Variants in GRAMD2B observed in about 807,000 individuals in gnomAD.
The protein encoded by GRAMD2B is GRAM domain containing 2B.
In GRAMD2B, 41 loss-of-function variants were observed where a neutral mutation model predicts 59.2. The ratio of observed to expected loss-of-function variants is 0.69; its 90% CI spans 0.54 to 0.90. The LOEUF is 0.90. Among genes scored for constraint, GRAMD2B ranks in the 40% least tolerant of loss-of-function variants. GRAMD2B has a pLI of 0.00. For synonymous variants in GRAMD2B, 161 were observed against 182.7 expected (o/e 0.88, Z 0.96); for missense variants, 424 against 500.5 (o/e 0.85, Z 1.46).
intron 1 of GRAMD2B, among the ~76,000 whole-genome samples, chr5:126,431,502 T>A (rs1761568248): frequency 6.6e-6 from 1 of 152,242 alleles, no homozygotes; most frequent in Admixed American, 6.5e-5. Flanking sequence ...TCCTGCCAAT[T>A]CATTTTCTTA....
chr5:126,415,637 T>C (rs1759206981), intron 1 of GRAMD2B, among the ~76,000 whole-genome samples: 4 of 152,108 alleles, frequency 2.6e-5, no homozygotes, highest in African/African-American at 7.2e-5. Context: ...TTGAGAAAAG[T>C]AGAAAAACTT....
chr5:126,388,680 G>C (rs1000398045), intron 1 of GRAMD2B, among the ~76,000 whole-genome samples: 7 of 150,540 alleles, frequency 4.6e-5, no homozygotes, highest in Admixed American at 1.3e-4. Context: ...CAGCACACTA[G>C]ATTATACAAC....
At chr5:126,369,468 T>C (rs928448518), upstream of GRAMD2B, among the ~76,000 whole-genome samples, 1 of 152,178 alleles carries the variant, frequency 6.6e-6, no homozygotes, top group Non-Finnish European at 1.5e-5. Flanking sequence ...TCAAAAGATA[T>C]TAGCTAGTAC....
chr5:126,450,636 C>T (rs1484499371), intron 1 of GRAMD2B, among the ~76,000 whole-genome samples: 1 of 141,902 alleles, frequency 7.0e-6, no homozygotes, highest in Non-Finnish European at 1.5e-5. Context: ...CAGTGACAGT[C>T]CATCCAGCCT....
At chr5:126,402,518 C>G (rs990268928) in intron 1 of GRAMD2B, among the ~76,000 whole-genome samples, 1 of 152,068 alleles carries the variant, frequency 6.6e-6, no homozygotes, top group African/African-American at 2.4e-5. Context: ...CAGCTCAGAA[C>G]TCAGTCTGAA....
chr5:126,366,546 T>C (rs115993117), upstream of GRAMD2B, among the ~76,000 whole-genome samples: 1,034 of 152,332 alleles, frequency 6.8e-3, 11 homozygotes, highest in African/African-American at 0.023. Flanking sequence ...AGTTTACACA[T>C]ATTATATCAA....
chr5:126,434,691 G>A (rs770258936), intron 1 of GRAMD2B, among the ~76,000 whole-genome samples: 23 of 152,048 alleles, frequency 1.5e-4, no homozygotes, highest in Admixed American at 2.6e-4. Flanking sequence ...CTAATTTTTT[G>A]TGTTTTTAGT....
At chr5:126,407,191 G>A (rs1402896834) in intron 1 of GRAMD2B, among the ~76,000 whole-genome samples, 1 of 152,006 alleles carries the variant, frequency 6.6e-6, no homozygotes, top group Non-Finnish European at 1.5e-5. Context: ...CAGATCCAAG[G>A]TTTTGGTTCA....
At chr5:126,383,021 C>G (rs905663752) in intron 1 of GRAMD2B, among the ~76,000 whole-genome samples, 24 of 152,194 alleles carry the variant, frequency 1.6e-4, no homozygotes, top group African/African-American at 5.5e-4. Flanking sequence ...TGAGGAATGT[C>G]TGCAAAGTGT....
rs532296450 is a variant in GRAMD2B at position 126,382,826 on chromosome 5, C to T, written c.125+11259C>T. 2.0e-5 allele frequency among the ~76,000 whole-genome samples: 3 copies of T among 152,250 alleles called. No individual in the cohort carries two copies. The South Asian group carries it at 6.2e-4, about 32-fold the overall frequency. ...TCCTTCTCATTTGGGTAGACAATGT[C>T]AGAGGGAAGATCTGGGGCTCAAGGG... is the stretch of plus-strand genomic sequence containing the variant. On this transcript the variant is annotated intron_variant, in intron 1 of 8. Coordinates refer to the GRAMD2B transcript ENST00000506445.
Position 126,361,194 on chromosome 5 carries a change from G to T in GRAMD2B, c.128+735G>T, listed in dbSNP as rs528090975. ...AAAGAATAAATAATTGTATTGAAGG[G>T]TTGTTAGGCTTAGCCCAGAGCTAGG... On this transcript the variant is annotated intron_variant, in intron 1 of 13. Coordinates refer to the GRAMD2B transcript ENST00000513040. Among the ~76,000 whole-genome samples the T allele has an allele frequency of 2.0e-5, 3 of 152,258 alleles. No homozygotes were observed. In the South Asian group the frequency reaches 6.2e-4, roughly 32 times the overall value.
intron 1 of GRAMD2B, among the ~76,000 whole-genome samples, chr5:126,400,639 G>A (rs1757747586): frequency 6.6e-6 from 1 of 152,050 alleles, no homozygotes; most frequent in African/African-American, 2.4e-5. Context: ...TATAAGGCAG[G>A]TCTAATGGTG....
rs1329908288 is a variant in GRAMD2B at position 126,434,222 on chromosome 5, C to T, written c.83+10533C>T. Among the ~76,000 whole-genome samples, 3 of 152,036 alleles carry T rather than the reference C, an allele frequency of 2.0e-5. No individual in the cohort carries two copies. In the East Asian group the frequency reaches 5.8e-4, roughly 29 times the overall value. ...AAAATTTTATAGTTATTATTCTGTC[C>T]TAAATTCATTTGTCAGTGTTTATAA... On this transcript the variant is annotated intron_variant, in intron 1 of 13. Coordinates refer to ENST00000285689, the MANE Select transcript of GRAMD2B (RefSeq NM_023927.4).
intron 1 of GRAMD2B, among the ~76,000 whole-genome samples, chr5:126,455,178 C>T (rs34580094): frequency 0.31 from 47,396 of 151,804 alleles, 7,764 homozygotes; most frequent in East Asian, 0.59. Context: ...TCTGTTTTCT[C>T]TTGTCTCCAG....
At chr5:126,441,319 CT>C (rs1202869177) in intron 1 of GRAMD2B, among the ~76,000 whole-genome samples, 4 of 152,194 alleles carry the variant, frequency 2.6e-5, no homozygotes, top group Admixed American at 6.5e-5. Flanking sequence ...TCACATCAAA[CT>C]GTGAAATTAG....
chr5:126,402,960 C>G (rs1383116407), intron 1 of GRAMD2B, among the ~76,000 whole-genome samples: 1 of 151,788 alleles, frequency 6.6e-6, no homozygotes, highest in African/African-American at 2.4e-5. Context: ...GAATGTGAGG[C>G]TAAAAGGAGA....
chr5:126,368,068 T>C (rs1754550640), upstream of GRAMD2B, among the ~76,000 whole-genome samples: 1 of 152,242 alleles, frequency 6.6e-6, no homozygotes. Flanking sequence ...CTTTCAACAT[T>C]ATTTCTCAAT....
intron 11 of GRAMD2B, 45 bp downstream of exon 11, chr5:126,485,818 T>G: frequency 1.7e-6 from 2 of 1,195,754 alleles, no homozygotes; most frequent in Non-Finnish European, 2.5e-6. Context: ...AATGATTCCA[T>G]TCGCTAAAGG....
At chr5:126,469,813 T>C (rs768514878) in intron 3 of GRAMD2B, 25 bp downstream of exon 3, 7 of 1,537,386 alleles carry the variant, frequency 4.6e-6, no homozygotes, top group Non-Finnish European at 6.3e-6. Context: ...GAATTTGTAT[T>C]GTCTTAGAGG....
Sources: gnomAD v4.1 joint callset for allele counts (sites outside exome capture counted in the v4.1 genomes callset) on GRCh38, gnomAD v4.1.1 for gene constraint, MANE v1.5 for transcripts, NCBI Gene and HGNC (gene_info 2026-07-23, HGNC 2026-07-21) for gene names.